The following CFAP20DC variants were observed in gnomAD, a reference collection of about 807,000 sequenced individuals.
The protein encoded by CFAP20DC is CFAP20 domain containing.
A neutral mutation model predicts 101.7 loss-of-function variants in CFAP20DC; 84 were observed. The ratio of observed to expected loss-of-function variants is 0.83; its 90% CI spans 0.69 to 0.99. CFAP20DC has a LOEUF of 0.99. Ranked by LOEUF, CFAP20DC falls within the 50% of genes least tolerant of loss-of-function variation. The probability of loss-of-function intolerance (pLI) is 0.00; values close to 1 mark genes in which losing one functional copy is unlikely to be tolerated. For synonymous variants in CFAP20DC, 359 were observed against 351.2 expected (o/e 1.02, Z -0.25); for missense variants, 1,007 against 970.3 (o/e 1.04, Z -0.50).
intron 6 of CFAP20DC, among the ~76,000 whole-genome samples, 161 bp from the exon 7 acceptor site, chr3:58,884,870 T>C (rs2081493773): frequency 6.6e-6 from 1 of 152,234 alleles, no homozygotes; most frequent in Admixed American, 6.5e-5. Flanking sequence ...GAAATGAGCA[T>C]GATAATTTTA....
intron 7 of CFAP20DC, among the ~76,000 whole-genome samples, chr3:58,878,150 C>T (rs542451587): frequency 4.6e-5 from 7 of 152,018 alleles, no homozygotes; most frequent in East Asian, 1.9e-4. Flanking sequence ...GAAAACACAA[C>T]GAAAAGAAAA....
Position 58,861,274 on chromosome 3 carries a change from T to A in CFAP20DC, c.1593+2284A>T. The A allele has an allele frequency of 1.6e-6, 1 of 643,174 alleles. No homozygotes were observed. The highest frequency in any genetic ancestry group is 1.9e-6 in the Non-Finnish European group (1 of 517,608). 39.8% of individuals were successfully genotyped at this position (643,174 alleles called of 1,614,324 possible). ...AATTACACTTTATAAACTTCAAGCA[T>A]AATAATATAATTGTTATTCACTTGT... On this transcript the variant is annotated intron_variant, in intron 12 of 16. Coordinates refer to ENST00000482387, the MANE Select transcript of CFAP20DC (RefSeq NM_001394063.1). The surrounding 1 kb of genome is among the most constrained non-coding windows in gnomAD (Gnocchi z 4.0).
intron 15 of CFAP20DC, among the ~76,000 whole-genome samples, chr3:58,766,168 A>T (rs1304599564): frequency 6.6e-6 from 1 of 152,204 alleles, no homozygotes; most frequent in Non-Finnish European, 1.5e-5. Flanking sequence ...CTCTGTCACA[A>T]CTGTTTAACT....
At chr3:58,815,148 A>G (rs1029474595) in intron 14 of CFAP20DC, among the ~76,000 whole-genome samples, 3 of 150,980 alleles carry the variant, frequency 2.0e-5, no homozygotes, top group Non-Finnish European at 4.4e-5. Flanking sequence ...TGGTACTGGT[A>G]CCAAAACAGA....
downstream of CFAP20DC, among the ~76,000 whole-genome samples, chr3:58,741,208 G>T (rs1165922412): frequency 6.6e-6 from 1 of 152,128 alleles, no homozygotes; most frequent in Non-Finnish European, 1.5e-5. Flanking sequence ...AAATATGCCA[G>T]CTAATATAAT....
intron 4 of CFAP20DC, among the ~76,000 whole-genome samples, chr3:58,994,610 A>T (rs189492112): frequency 7.4e-4 from 112 of 152,282 alleles, no homozygotes; most frequent in Middle Eastern, 3.4e-3. Context: ...CACACTTGTT[A>T]TCCAAGTACA....
At chr3:58,847,632 G>A (rs1164861995) in intron 13 of CFAP20DC, among the ~76,000 whole-genome samples, 11 of 151,818 alleles carry the variant, frequency 7.2e-5, no homozygotes, top group East Asian at 1.9e-4. Flanking sequence ...ATCTAGAACT[G>A]GAAATACCAT....
At chr3:58,970,045 T>C (rs1428117272) in intron 4 of CFAP20DC, among the ~76,000 whole-genome samples, 4 of 152,196 alleles carry the variant, frequency 2.6e-5, no homozygotes, top group African/African-American at 9.6e-5. Context: ...AAAAAAGCTA[T>C]TACTAGTTTA....
intron 5 of CFAP20DC, among the ~76,000 whole-genome samples, chr3:58,931,180 G>C (rs1053167036): frequency 6.6e-6 from 1 of 152,162 alleles, no homozygotes; most frequent in African/African-American, 2.4e-5. Context: ...TAGCACAGCA[G>C]TCTGAGATCA....
intron 15 of CFAP20DC, among the ~76,000 whole-genome samples, chr3:58,770,264 C>T (rs1006198980): frequency 6.6e-6 from 1 of 152,190 alleles, no homozygotes; most frequent in East Asian, 1.9e-4. Context: ...CCTTTCCTTT[C>T]CTTCTATAGA....
At chr3:58,940,432 G>A (rs918241370) in intron 4 of CFAP20DC, among the ~76,000 whole-genome samples, 8 of 152,186 alleles carry the variant, frequency 5.3e-5, no homozygotes, top group Non-Finnish European at 7.4e-5. Context: ...CATTTAGTTC[G>A]TCCCAAATTA....
intron 12 of CFAP20DC, among the ~76,000 whole-genome samples, chr3:58,850,782 T>C (rs1181621045): frequency 1.3e-5 from 2 of 152,174 alleles, no homozygotes; most frequent in East Asian, 3.9e-4. Flanking sequence ...TCCTTCACCC[T>C]TCAATTTATA....
At chr3:58,807,060 G>A (rs1259009376) in intron 14 of CFAP20DC, among the ~76,000 whole-genome samples, 1 of 152,194 alleles carries the variant, frequency 6.6e-6, no homozygotes, top group Non-Finnish European at 1.5e-5. Flanking sequence ...AAACAAAGCA[G>A]CCAGGAAGCT....
At chr3:58,848,019 G>A (rs1326257701) in intron 13 of CFAP20DC, among the ~76,000 whole-genome samples, 1 of 119,926 alleles carries the variant, frequency 8.3e-6, no homozygotes, top group Non-Finnish European at 1.7e-5. Context: ...GACTGTTGTG[G>A]GGTGGGGGGA....
intron 14 of CFAP20DC, among the ~76,000 whole-genome samples, chr3:58,810,095 T>A (rs946355754): frequency 3.3e-5 from 5 of 152,186 alleles, no homozygotes; most frequent in Non-Finnish European, 7.3e-5. Context: ...CAGGACCAGA[T>A]GGACTCACAG....
At chr3:58,753,943 TG>T in intron 15 of CFAP20DC, 80 bp from the exon 16 acceptor site, 1 of 914,692 alleles carries the variant, frequency 1.1e-6, no homozygotes, top group East Asian at 2.5e-5. Context: ...TTCAGTTCCT[TG>T]GGGCTTCCAA....
intron 4 of CFAP20DC, among the ~76,000 whole-genome samples, chr3:58,995,465 A>C (rs1351837523): frequency 2.0e-5 from 3 of 152,110 alleles, no homozygotes; most frequent in Admixed American, 6.5e-5. Flanking sequence ...CTAAGTAATT[A>C]ATTTTGAGTA....
chr3:58,897,191 T>A lies in CFAP20DC; in HGVS notation c.551-12482A>T, dbSNP rs998344809. 1.3e-5 allele frequency among the ~76,000 whole-genome samples: 2 copies of A among 152,224 alleles called. No homozygotes were observed. The highest frequency in any genetic ancestry group is 2.9e-5 in the Non-Finnish European group (2 of 68,042). On this transcript the variant is annotated intron_variant, in intron 6 of 16. Transcript: ENST00000482387. The surrounding 1 kb of genome is among the most constrained non-coding windows in gnomAD (Gnocchi z 4.4). Reference sequence around the variant, plus strand: ...GGTTTAAAGTCTATTTGTCAGAAACTAGGATTGCAACCCCTGCTTTTTTCT... The same window carrying A: ...GGTTTAAAGTCTATTTGTCAGAAACAAGGATTGCAACCCCTGCTTTTTTCT...
chr3:58,771,345 C>A (rs1200491446), intron 15 of CFAP20DC, among the ~76,000 whole-genome samples: 1 of 151,932 alleles, frequency 6.6e-6, no homozygotes. Flanking sequence ...CATGTGTATA[C>A]CTATGTAACA....
Sources: allele counts gnomAD v4.1 joint callset (sites outside exome capture counted in the v4.1 genomes callset), GRCh38; gene constraint gnomAD v4.1.1; non-coding constraint Gnocchi (gnomAD v3.1); transcripts MANE v1.5; gene names NCBI Gene and HGNC (gene_info 2026-07-23, HGNC 2026-07-21).